KIAA1217: variants seen among roughly 807,000 people sequenced by gnomAD.
KIAA1217 encodes KIAA1217, also known as sickle tail protein homolog.
A neutral mutation model predicts 163.9 loss-of-function variants in KIAA1217; 88 were observed. The observed-to-expected ratio is 0.54, with a 90% CI of 0.45 to 0.64. The LOEUF is 0.64. KIAA1217 is among the 30% of genes least tolerant of loss of function. The probability of loss-of-function intolerance (pLI) is 0.00; values close to 1 mark genes in which losing one functional copy is unlikely to be tolerated. For synonymous variants in KIAA1217, 903 were observed against 923.1 expected, an observed-to-expected ratio of 0.98 and a Z score of 0.39; for missense variants, 2,372 against 2,475.0, an observed-to-expected ratio of 0.96 and a Z score of 0.88.
chr10:24,298,701 G>A (rs1396562689), intron 2 of KIAA1217, among the ~76,000 whole-genome samples: 2 of 152,166 alleles, frequency 1.3e-5, no homozygotes, highest in Non-Finnish European at 2.9e-5. Context: ...AGGAGGCTGA[G>A]GCAGGAGAAT....
intron 1 of KIAA1217, among the ~76,000 whole-genome samples, chr10:23,780,974 C>T (rs962113812): frequency 6.6e-6 from 1 of 152,190 alleles, no homozygotes; most frequent in African/African-American, 2.4e-5. Flanking sequence ...AGCCACCACA[C>T]CTGGACACCG....
intron 2 of KIAA1217, among the ~76,000 whole-genome samples, chr10:24,104,285 T>G (rs2062534586): frequency 6.6e-6 from 1 of 152,192 alleles, no homozygotes; most frequent in Admixed American, 6.5e-5. Flanking sequence ...AGTAAGTGAA[T>G]GGATAAATAA....
At chr10:24,528,187 C>A in intron 14 of KIAA1217, 68 bp downstream of exon 14, 1 of 1,295,398 alleles carries the variant, frequency 7.7e-7, no homozygotes, top group Admixed American at 2.0e-5. Context: ...GTGCCATCCA[C>A]GACAGCACAT....
intron 3 of KIAA1217, among the ~76,000 whole-genome samples, chr10:24,420,430 A>G (rs1236711661): frequency 6.6e-6 from 1 of 152,074 alleles, no homozygotes. Context: ...TTGGTAGAGC[A>G]TGTGAGTTGT....
At chr10:24,076,206 G>A (rs985609891) in intron 2 of KIAA1217, among the ~76,000 whole-genome samples, 4 of 152,156 alleles carry the variant, frequency 2.6e-5, no homozygotes, top group Non-Finnish European at 5.9e-5. Flanking sequence ...AGGCCATGGG[G>A]TTATTTTCCT....
chr10:23,806,053 A>G (rs1366325062), intron 1 of KIAA1217, among the ~76,000 whole-genome samples: 1 of 150,044 alleles, frequency 6.7e-6, no homozygotes, highest in Non-Finnish European at 1.5e-5. Flanking sequence ...AAAAAGGTGT[A>G]TGAATTTGAT....
At chr10:23,982,955 T>C (rs981850602) in intron 1 of KIAA1217, among the ~76,000 whole-genome samples, 3 of 152,022 alleles carry the variant, frequency 2.0e-5, no homozygotes, top group Non-Finnish European at 4.4e-5. Flanking sequence ...GGGTTGACCA[T>C]GGTTGTGTGG....
At chr10:24,076,244 G>A (rs189136071) in intron 2 of KIAA1217, among the ~76,000 whole-genome samples, 1 of 152,314 alleles carries the variant, frequency 6.6e-6, no homozygotes, top group East Asian at 1.9e-4. Flanking sequence ...TTGATACACA[G>A]CGTTTATGCC....
In KIAA1217 at chr10:23,908,975, G is replaced by A. The variant is rs75543133; in HGVS notation, c.-320-98250G>A. On this transcript the variant is annotated intron_variant, in intron 1 of 18. Coordinates refer to the KIAA1217 transcript ENST00000376462. ...ACAACCCAAATGCCCATCAATCAAC[G>A]AGTGGATAAAGAAACATATATATAG... Among the ~76,000 whole-genome samples, 1,521 of 152,160 alleles carry A rather than the reference G, an allele frequency of 1.0e-2. 8 individuals are homozygous for A. Among genetic ancestry groups the A allele is most frequent in the Non-Finnish European group, 0.017 (1,145 of 68,000 alleles).
intron 5 of KIAA1217, among the ~76,000 whole-genome samples, chr10:24,448,110 C>T (rs2061097276): frequency 6.6e-6 from 1 of 152,008 alleles, no homozygotes; most frequent in Non-Finnish European, 1.5e-5. Flanking sequence ...AGCCTGGTGA[C>T]AGAGTGAGTC....
chr10:24,418,085 T>C lies in KIAA1217; in HGVS notation c.554-14910T>C, dbSNP rs997514723. Among the ~76,000 whole-genome samples the C allele has an allele frequency of 3.3e-5, 5 of 151,994 alleles. No homozygotes were observed. The South Asian group carries it at 1.0e-3, about 32-fold the overall frequency. On this transcript the variant is annotated intron_variant, in intron 3 of 20. Transcript: ENST00000376454. ...CCTCAGCCTCCGTAGTAGCTGGGACTACAGGCATCTGCCACCACCAATAAA... is the reference window on the plus strand; with the variant it reads ...CCTCAGCCTCCGTAGTAGCTGGGACCACAGGCATCTGCCACCACCAATAAA...
chr10:24,183,735 A>G (rs538685056), intron 2 of KIAA1217, among the ~76,000 whole-genome samples: 1 of 152,318 alleles, frequency 6.6e-6, no homozygotes, highest in East Asian at 1.9e-4. Context: ...TTCCCACTAA[A>G]TCTGGTTAGA....
Position 24,524,773 on chromosome 10 carries a change from C to A in KIAA1217, c.2898+9C>A, listed in dbSNP as rs201478904. ...GGGCAGTGTCTATCGAGGTAGAGTC[C>A]TATTTCTGTTTCTCATAACCCCATA... is the stretch of plus-strand genomic sequence containing the variant. On this transcript the variant is annotated intron_variant, in intron 13 of 20. Coordinates refer to ENST00000376454, the MANE Select transcript of KIAA1217 (RefSeq NM_019590.5). The A allele has an allele frequency of 8.2e-4, 1,285 of 1,569,380 alleles. 2 individuals are homozygous for A. Among genetic ancestry groups the A allele is most frequent in the South Asian group, 1.6e-3 (134 of 84,832 alleles).
chr10:24,197,910 G>A (rs2067066770), intron 2 of KIAA1217, among the ~76,000 whole-genome samples: 2 of 152,218 alleles, frequency 1.3e-5, no homozygotes, highest in African/African-American at 4.8e-5. Context: ...CTGTCCTGGT[G>A]CGCGGAATGC....
chr10:24,114,427 G>A (rs2062972774), intron 2 of KIAA1217, among the ~76,000 whole-genome samples: 1 of 152,024 alleles, frequency 6.6e-6, no homozygotes, highest in South Asian at 2.1e-4. Context: ...ATTTTTTGCA[G>A]AGCAATTGGT....
intron 2 of KIAA1217, among the ~76,000 whole-genome samples, chr10:24,182,178 G>C (rs1281756885): frequency 6.6e-6 from 1 of 152,192 alleles, no homozygotes; most frequent in African/African-American, 2.4e-5. Context: ...GCTTATGCCT[G>C]TAATCCCAGC....
intron 1 of KIAA1217, among the ~76,000 whole-genome samples, chr10:23,872,486 A>G (rs1238390379): frequency 1.3e-5 from 2 of 152,138 alleles, no homozygotes; most frequent in East Asian, 3.9e-4. Flanking sequence ...GCAAGACTGC[A>G]TCACACGAGC....
chr10:24,064,873 A>G (rs1387423690), intron 2 of KIAA1217, among the ~76,000 whole-genome samples: 3 of 151,918 alleles, frequency 2.0e-5, no homozygotes, highest in Non-Finnish European at 4.4e-5. Flanking sequence ...GTCTTGGGAG[A>G]CTGTATGTGT....
chr10:24,420,517 G>T (rs1054357270), intron 3 of KIAA1217, among the ~76,000 whole-genome samples: 2 of 152,022 alleles, frequency 1.3e-5, no homozygotes, highest in African/African-American at 4.8e-5. Flanking sequence ...TCATTTCAAT[G>T]CAGTTTAATT....
Sources: allele counts gnomAD v4.1 joint callset (sites outside exome capture counted in the v4.1 genomes callset), GRCh38; gene constraint gnomAD v4.1.1; transcripts MANE v1.5; gene names NCBI Gene and HGNC (gene_info 2026-07-23, HGNC 2026-07-21).